The following ADCY9 variants were observed in gnomAD, a reference collection of about 807,000 sequenced individuals.
ADCY9 encodes the protein adenylate cyclase 9.
ADCY9 carries 50 observed loss-of-function variants against 101.5 expected under a neutral mutation model. That is an observed-to-expected ratio of 0.49 (90% confidence interval 0.39 to 0.62). The LOEUF (loss-of-function observed/expected upper bound fraction) is 0.62, where lower values mean the gene tolerates loss of function less well. Among genes scored for constraint, ADCY9 ranks in the 20% least tolerant of loss-of-function variants. ADCY9 has a pLI of 0.00. For synonymous variants in ADCY9, 905 were observed against 769.3 expected (o/e 1.18, Z -2.92); for missense variants, 1,662 against 1,800.4 (o/e 0.92, Z 1.39).
chr16:4,053,949 T>A (rs2056718696), intron 2 of ADCY9: 1 of 152,160 alleles, frequency 6.6e-6, no homozygotes, highest in African/African-American at 2.4e-5. Flanking sequence ...CCAGGCCTCT[T>A]GCCACCCTTG....
intron 2 of ADCY9, among the ~76,000 whole-genome samples, chr16:4,092,034 C>T (rs559210519): frequency 2.0e-4 from 30 of 152,312 alleles, no homozygotes; most frequent in Non-Finnish European, 2.2e-4. Context: ...TCCGGGAGGC[C>T]GAGGCGGGCA....
chr16:3,995,197 GTGGGAGGA>G (rs1180829930), intron 3 of ADCY9, among the ~76,000 whole-genome samples: 1 of 152,190 alleles, frequency 6.6e-6, no homozygotes, highest in Non-Finnish European at 1.5e-5. Context: ...GGAAGCTGGG[GTGGGAGGA>G]TGGCTTGAGT....
At chr16:4,014,603 A>G (rs980302369) in intron 2 of ADCY9, among the ~76,000 whole-genome samples, 1 of 151,750 alleles carries the variant, frequency 6.6e-6, no homozygotes, top group African/African-American at 2.4e-5. Context: ...GTGTGCCACC[A>G]TGCCTGGCTA....
chr16:4,066,873 TCCCAA>T (rs2056804115), intron 2 of ADCY9, among the ~76,000 whole-genome samples: 1 of 152,220 alleles, frequency 6.6e-6, no homozygotes, highest in Non-Finnish European at 1.5e-5. Flanking sequence ...ACCTGGTTCA[TCCCAA>T]CGTTTTCATT....
intron 2 of ADCY9, among the ~76,000 whole-genome samples, chr16:4,072,994 G>GAAAAAA (rs59730727): frequency 3.1e-5 from 4 of 129,676 alleles, no homozygotes; most frequent in Non-Finnish European, 4.7e-5. Flanking sequence ...TATCCTAAAA[G>GAAAAAA]AAAAAAAAAA....
chr16:4,054,116 G>A (rs2056720418), intron 2 of ADCY9: 1 of 152,156 alleles, frequency 6.6e-6, no homozygotes, highest in African/African-American at 2.4e-5. Flanking sequence ...CACGAAAGCA[G>A]GATTAGCGTC....
In ADCY9 at chr16:3,963,738, G is replaced by A. The variant is rs986469681; in HGVS notation, c.*2037C>T. On this transcript the variant is annotated 3_prime_UTR_variant, in exon 11 of 11. Transcript: ENST00000294016. ...AGCTACACAGCCTGGAGGGGAAAGG[G>A]GAGGGGAGGACATTCAAATATACAC... The A allele has an allele frequency of 9.9e-6, 2 of 201,686 alleles. No individual in the cohort carries two copies. Among genetic ancestry groups the A allele is most frequent in the Admixed American group, 6.0e-5 (1 of 16,568 alleles). The allele number at this position is 201,686 out of a possible 1,614,324, so 12.5% of individuals were successfully genotyped here. A position where few individuals can be genotyped will look rare whatever the true frequency, so the allele number is the denominator to read the frequency against.
chr16:4,001,903 C>A (rs2056333815), intron 3 of ADCY9, among the ~76,000 whole-genome samples: 1 of 152,066 alleles, frequency 6.6e-6, no homozygotes, highest in Non-Finnish European at 1.5e-5. Flanking sequence ...CACCAGCCAC[C>A]ACACCCGGCT....
At chr16:4,067,721 C>T (rs1384823516) in intron 2 of ADCY9, among the ~76,000 whole-genome samples, 1 of 152,130 alleles carries the variant, frequency 6.6e-6, no homozygotes, top group African/African-American at 2.4e-5. Flanking sequence ...CAATTCAGGG[C>T]ATTTGCTGAC....
intron 2 of ADCY9, among the ~76,000 whole-genome samples, chr16:4,095,379 G>C (rs763727548): frequency 6.7e-6 from 1 of 148,972 alleles, no homozygotes; most frequent in South Asian, 2.2e-4. Flanking sequence ...GGACTAACAC[G>C]TCCCCTTGCA....
At chr16:4,031,614 T>C (rs887418507) in intron 2 of ADCY9, among the ~76,000 whole-genome samples, 3 of 152,184 alleles carry the variant, frequency 2.0e-5, no homozygotes, top group Non-Finnish European at 4.4e-5. Context: ...CCAGGCACAG[T>C]AGCTCACACC....
chr16:4,114,811 G>C lies in ADCY9; in HGVS notation c.632C>G (p.Ala211Gly). ...AGATAAGCAAGTATCTGTGGGCCGG[G>C]CTGTGGCCGTAAGGTTGGAGCTGTC... ...RGDSSNLTAT[A>G]RPTDTCLSQV... The change falls in exon 2 of 11, where the codon GCC (alanine) becomes GGC (glycine). Residue 211 changes from alanine to glycine, a missense_variant. Around this residue, in one of 5 missense-constraint regions of ADCY9, gnomAD observed 422 missense variants for 392.0 expected, o/e 1.08. Transcript: ENST00000294016. This position sits in a 1 kb window ranked among gnomAD's most constrained non-coding sequence, Gnocchi z 4.3. The C allele has an allele frequency of 1.2e-6, 2 of 1,613,380 alleles. No homozygotes were observed. The highest frequency in any genetic ancestry group is 1.7e-6 in the Non-Finnish European group (2 of 1,180,048).
Position 4,115,409 on chromosome 16 carries a change from G to A in ADCY9, c.34C>T (p.His12Tyr). ...ASPPHQQLLH[H>Y]HSTEVSCDSS... ...TCGCAGCTCACCTCGGTGCTGTGGTGATGCAGCAGCTGCTGGTGGGGTGGG... is the reference window on the plus strand; with the variant it reads ...TCGCAGCTCACCTCGGTGCTGTGGTAATGCAGCAGCTGCTGGTGGGGTGGG... Residue 12 changes from histidine (H) to tyrosine (Y), a missense_variant, in exon 2 of 11, where the codon CAC (histidine) becomes TAC (tyrosine). His to Tyr is a moderately conservative substitution (Grantham distance 83). This residue lies in a region of ADCY9 where 422 missense variants were observed against 392.0 expected (regional missense o/e 1.08). Transcript: ENST00000294016. The surrounding 1 kb of genome is among the most constrained non-coding windows in gnomAD (Gnocchi z 6.2). 6.3e-7 allele frequency: 1 copy of A among 1,577,710 alleles called. No individual in the cohort carries two copies. Among genetic ancestry groups the A allele is most frequent in the Non-Finnish European group, 8.6e-7 (1 of 1,162,334 alleles).
At position 4,114,273 on chromosome 16, in the gene ADCY9, G is replaced by A. The variant is rs146234753; in HGVS notation, c.1170C>T (p.Ile390=). ...IAFRPFKMQQ[I]EEVSILFADI... ...CTGCAAATAAAATACTGACTTCTTC[G>A]ATCTGCTGCATCTTAAAAGGGCGGA... Residue 390 remains isoleucine, a synonymous_variant, in exon 2 of 11, where the codon ATC becomes ATT. Transcript: ENST00000294016. The surrounding 1 kb of genome is among the most constrained non-coding windows in gnomAD (Gnocchi z 4.3). 6 of 1,613,918 alleles carry A rather than the reference G, an allele frequency of 3.7e-6. No homozygotes were observed. The highest frequency in any genetic ancestry group is 2.2e-5 in the South Asian group (2 of 91,080).
At chr16:4,057,035 A>ACC (rs1326474279) in intron 2 of ADCY9, among the ~76,000 whole-genome samples, 36 of 79,006 alleles carry the variant, frequency 4.6e-4, no homozygotes, top group East Asian at 8.7e-4. Context: ...TACTGATGAA[A>ACC]CCGCCCCCCC....
chr16:3,959,586 G>A (rs528452989), downstream of ADCY9, among the ~76,000 whole-genome samples: 20 of 152,086 alleles, frequency 1.3e-4, no homozygotes, highest in African/African-American at 3.4e-4. Context: ...CACAGTAGTC[G>A]CTTGACAAAT....
At chr16:3,967,771 C>T (rs967593060) in intron 10 of ADCY9, among the ~76,000 whole-genome samples, 1 of 149,198 alleles carries the variant, frequency 6.7e-6, no homozygotes, top group Non-Finnish European at 1.5e-5. Context: ...GATCTTGGCT[C>T]ACTGCACCCT....
downstream of ADCY9, among the ~76,000 whole-genome samples, chr16:3,962,355 G>GA (rs1231297559): frequency 6.6e-6 from 1 of 152,108 alleles, no homozygotes; most frequent in African/African-American, 2.4e-5. Context: ...GCCTGACAGG[G>GA]AAAATCTCAC....
intron 2 of ADCY9, among the ~76,000 whole-genome samples, chr16:4,075,004 C>T (rs958167138): frequency 3.9e-5 from 6 of 151,902 alleles, no homozygotes; most frequent in Admixed American, 6.6e-5. Context: ...GGTGAGACCC[C>T]GTCTCCACAA....
Sources: gnomAD v4.1 joint callset for allele counts (sites outside exome capture counted in the v4.1 genomes callset) on GRCh38, gnomAD v4.1.1 for gene constraint, gnomAD v4.1.1 regional missense constraint, Gnocchi (gnomAD v3.1) non-coding constraint, MANE v1.5 for transcripts, NCBI Gene and HGNC (gene_info 2026-07-23, HGNC 2026-07-21) for gene names.